Variants in TM9SF4 observed in about 807,000 individuals in gnomAD.
The protein encoded by TM9SF4 is dinucleotide oxidase disulfide thiol exchanger 3 superfamily member 4.
Under a neutral mutation model 90.4 loss-of-function variants are expected in TM9SF4, and 26 were observed. The ratio of observed to expected loss-of-function variants is 0.29; its 90% CI spans 0.21 to 0.40. The LOEUF is 0.40. Among genes scored for constraint, TM9SF4 ranks in the 10% least tolerant of loss-of-function variants. The pLI, the probability that TM9SF4 is intolerant of heterozygous loss-of-function variation, is 1.00. For missense variants in TM9SF4, 549 were observed against 834.8 expected, an observed-to-expected ratio of 0.66 and a Z score of 4.22; for synonymous variants, 293 against 315.4, an observed-to-expected ratio of 0.93 and a Z score of 0.75.
At chr20:32,135,921 T>G (rs1254590299) in intron 2 of TM9SF4, among the ~76,000 whole-genome samples, 153 bp from the exon 3 acceptor site, 4 of 152,184 alleles carry the variant, frequency 2.6e-5, no homozygotes, top group Admixed American at 2.6e-4. Flanking sequence ...AAATGTGAAA[T>G]AATTCAGAAT....
intron 9 of TM9SF4, among the ~76,000 whole-genome samples, chr20:32,147,894 C>T (rs1481248270): frequency 6.8e-6 from 1 of 148,128 alleles, no homozygotes; most frequent in Non-Finnish European, 1.5e-5. Flanking sequence ...CAGTAGATAA[C>T]TTGAGGTTAG....
intron 1 of TM9SF4, among the ~76,000 whole-genome samples, chr20:32,127,640 T>TGTGTG (rs2046442852): frequency 6.6e-6 from 1 of 152,362 alleles, no homozygotes; most frequent in Admixed American, 6.5e-5. Flanking sequence ...CTTTTTGTTT[T>TGTGTG]TGTTTTTTTA....
At position 32,165,345 on chromosome 20, in the gene TM9SF4, C is replaced by T. The variant is rs2047084821; in HGVS notation, c.1830C>T (p.Ala610=). 1 of 1,614,194 alleles carries T rather than the reference C, an allele frequency of 6.2e-7. No homozygotes were observed. Among genetic ancestry groups the T allele is most frequent in the Non-Finnish European group, 8.5e-7 (1 of 1,180,032 alleles). ...IPSLLYFGYT[A]LMVLSFWLLT... is the part of the protein sequence containing the mutation. ...CTCTCCTCTACTTTGGCTACACGGC[C>T]CTCATGGTCTTGTCCTTCTGGCTGC... Residue 610 remains alanine, a synonymous_variant, in exon 18 of 18, where the codon GCC becomes GCT. Coordinates refer to ENST00000398022, the MANE Select transcript of TM9SF4 (RefSeq NM_014742.4).
At chr20:32,120,315 A>G (rs1300835637) in intron 1 of TM9SF4, among the ~76,000 whole-genome samples, 1 of 150,848 alleles carries the variant, frequency 6.6e-6, no homozygotes, top group Non-Finnish European at 1.5e-5. Context: ...TTTCTCAGCA[A>G]TTTCAGAATT....
At chr20:32,156,154 T>C (rs922067126) in intron 13 of TM9SF4, among the ~76,000 whole-genome samples, 1 of 152,220 alleles carries the variant, frequency 6.6e-6, no homozygotes, top group Admixed American at 6.5e-5. Context: ...AAGAATTACA[T>C]AATTTAAAAT....
At chr20:32,114,187 G>T (rs1477665884) in intron 1 of TM9SF4, among the ~76,000 whole-genome samples, 1 of 152,184 alleles carries the variant, frequency 6.6e-6, no homozygotes, top group African/African-American at 2.4e-5. Context: ...TCCTGCATCA[G>T]TTCACACTGT....
Position 32,122,526 on chromosome 20 carries a change from C to T in TM9SF4, c.16-10487C>T, listed in dbSNP as rs564954700. Among the ~76,000 whole-genome samples, 17 of 150,596 alleles carry T rather than the reference C, an allele frequency of 1.1e-4. No homozygotes were observed. In the South Asian group the frequency reaches 2.3e-3, roughly 21 times the overall value. ...GCAGAGACGCTCCTCACCTCCCAGA[C>T]GGGGTGGCGGCCGGGCAGAGGCGCT... On this transcript the variant is annotated intron_variant, in intron 1 of 17. Transcript: ENST00000398022.
chr20:32,128,790 C>CTGTGTGTGTGTGTGTGTGTGTGTGTGTG (rs55977888), intron 1 of TM9SF4, among the ~76,000 whole-genome samples: 1 of 145,268 alleles, frequency 6.9e-6, no homozygotes, highest in East Asian at 2.0e-4. Context: ...GTATTCCATT[C>CTGTGTGTGTGTGTGTGTGTGTGTGTGTG]TGTGTGTGTG....
intron 1 of TM9SF4, among the ~76,000 whole-genome samples, chr20:32,120,287 C>T (rs976832799): frequency 3.9e-5 from 6 of 151,920 alleles, no homozygotes; most frequent in Non-Finnish European, 7.4e-5. Context: ...GGAATATCTC[C>T]GCAATTACCT....
Position 32,161,338 on chromosome 20 carries a change from T to C in TM9SF4, c.1752T>C (p.Val584=), listed in dbSNP as rs1245205763. 1.2e-6 allele frequency: 2 copies of C among 1,613,886 alleles called. No homozygotes were observed. Among genetic ancestry groups the C allele is most frequent in the Non-Finnish European group, 1.7e-6 (2 of 1,179,966 alleles). Residue 584 remains valine, a synonymous_variant, in exon 17 of 18, where the codon GTT becomes GTC. Transcript: ENST00000398022. ...VSGGSAFYVL[V]YAIFYFVNKL... ...GGGGCTCTGCATTCTACGTCCTGGT[T>C]TATGCCATCTTTTATTTCGTTAACA... is the stretch of plus-strand genomic sequence containing the variant.
intron 9 of TM9SF4, among the ~76,000 whole-genome samples, chr20:32,148,069 C>G (rs2046789343): frequency 6.6e-6 from 1 of 152,118 alleles, no homozygotes; most frequent in Admixed American, 6.5e-5. Flanking sequence ...CGAGATCACA[C>G]CACTGTACTA....
intron 17 of TM9SF4, 88 bp from the exon 18 acceptor site, chr20:32,165,207 C>T: frequency 6.4e-7 from 1 of 1,567,330 alleles, no homozygotes. Context: ...CTCAGTTTCC[C>T]CATGATATCA....
At chr20:32,146,745 A>C in intron 8 of TM9SF4, 40 bp from the exon 9 acceptor site, 1 of 1,602,916 alleles carries the variant, frequency 6.2e-7, no homozygotes, top group Non-Finnish European at 8.5e-7. Flanking sequence ...GCTTGCTGGC[A>C]GCGCCAACTT....
At chr20:32,132,627 C>T (rs1600804464) in intron 1 of TM9SF4, among the ~76,000 whole-genome samples, 1 of 152,120 alleles carries the variant, frequency 6.6e-6, no homozygotes, top group Non-Finnish European at 1.5e-5. Context: ...CTTTTGACAG[C>T]GTGAACTAGT....
At chr20:32,112,271 T>G (rs1418014447) in intron 1 of TM9SF4, among the ~76,000 whole-genome samples, 1 of 152,062 alleles carries the variant, frequency 6.6e-6, no homozygotes, top group Non-Finnish European at 1.5e-5. Flanking sequence ...AAAAATTAGC[T>G]GGGCTTGGTG....
At chr20:32,141,420 C>G in intron 3 of TM9SF4, 77 bp from the exon 4 acceptor site, 1 of 1,557,988 alleles carries the variant, frequency 6.4e-7, no homozygotes, top group Non-Finnish European at 8.8e-7. Context: ...CCCCGCAGTC[C>G]TGTGTCTCTG....
intron 1 of TM9SF4, 166 bp downstream of exon 1, chr20:32,109,921 G>GCCCTGC (rs2046115262): frequency 6.9e-7 from 1 of 1,458,688 alleles, no homozygotes; most frequent in Non-Finnish European, 9.0e-7. Flanking sequence ...CACCTCCCTG[G>GCCCTGC]CCCTGCCCCT....
At chr20:32,142,921 A>C in intron 5 of TM9SF4, 61 bp from the exon 6 acceptor site, 1 of 1,595,888 alleles carries the variant, frequency 6.3e-7, no homozygotes, top group Non-Finnish European at 8.6e-7. Flanking sequence ...CAAGGGCCCT[A>C]ATACCTGGAG....
rs1311762752 is a variant in TM9SF4, at chr20:32,165,919, G to C, written c.*475G>C. On this transcript the variant is annotated 3_prime_UTR_variant, in exon 18 of 18. Transcript: ENST00000398022. Reference sequence around the variant, plus strand: ...CAGTGAGGTTTCCGAGCCTCTCCCTGCCCATCCTCACCACTGAGGCCACGA... The same window carrying C: ...CAGTGAGGTTTCCGAGCCTCTCCCTCCCCATCCTCACCACTGAGGCCACGA... 1 of 162,170 alleles carries C rather than the reference G, an allele frequency of 6.2e-6. No homozygotes were observed. The highest frequency in any genetic ancestry group is 2.4e-5 in the African/African-American group (1 of 41,552). The allele number at this position is 162,170 out of a possible 1,614,324, so 10.0% of individuals were successfully genotyped here. A position where few individuals can be genotyped will look rare whatever the true frequency, so the allele number is the denominator to read the frequency against.
Sources: allele counts gnomAD v4.1 joint callset (sites outside exome capture counted in the v4.1 genomes callset), GRCh38; gene constraint gnomAD v4.1.1; transcripts MANE v1.5; gene names NCBI Gene and HGNC (gene_info 2026-07-23, HGNC 2026-07-21).